Variants in ADHFE1 observed in about 807,000 individuals in gnomAD.
ADHFE1 encodes alcohol dehydrogenase iron containing 1.
In ADHFE1, 37 loss-of-function variants were observed where a neutral mutation model predicts 54.8. The ratio of observed to expected loss-of-function variants is 0.68; its 90% CI spans 0.52 to 0.89. The LOEUF is 0.89. Among genes scored for constraint, ADHFE1 ranks in the 40% least tolerant of loss-of-function variants. The pLI, the probability that ADHFE1 is intolerant of heterozygous loss-of-function variation, is 0.00. For missense variants in ADHFE1, 601 were observed against 591.2 expected, an observed-to-expected ratio of 1.02 and a Z score of -0.17; for synonymous variants, 203 against 229.3, an observed-to-expected ratio of 0.89 and a Z score of 1.04.
chr8:66,465,541 A>AGTC (rs1418409149), intron 13 of ADHFE1, among the ~76,000 whole-genome samples: 1 of 152,190 alleles, frequency 6.6e-6, no homozygotes, highest in Non-Finnish European at 1.5e-5. Flanking sequence ...TAACTAATCA[A>AGTC]GTCCTATGCC....
At chr8:66,451,897 G>C (rs1806320942) in intron 8 of ADHFE1, 56 bp from the exon 9 acceptor site, 2 of 1,587,442 alleles carry the variant, frequency 1.3e-6, no homozygotes, top group South Asian at 2.3e-5. Flanking sequence ...GATCTAAATG[G>C]AGGGAAGGAG....
Position 66,445,286 on chromosome 8 carries a change from C to G in ADHFE1, c.422C>G (p.Ser141Cys), listed in dbSNP as rs1346798777. ...FDAYVAVGGG[S>C]TMDTCKAANL... ...GCCTATGTTGCTGTCGGTGGTGGCTCTACCATGGACACCTGTAAGGCTGCT... is the reference window on the plus strand; with the variant it reads ...GCCTATGTTGCTGTCGGTGGTGGCTGTACCATGGACACCTGTAAGGCTGCT... Residue 141 changes from serine (S) to cysteine (C), a missense_variant, in exon 6 of 14, where the codon TCT becomes TGT. By Grantham distance (112) the Ser-to-Cys change is moderately radical. Transcript: ENST00000396623. The G allele has an allele frequency of 5.0e-6, 8 of 1,613,630 alleles. No homozygotes were observed. The highest frequency in any genetic ancestry group is 2.2e-5 in the South Asian group (2 of 91,024).
chr8:66,436,894 G>C (rs1805492471), intron 1 of ADHFE1, among the ~76,000 whole-genome samples: 1 of 152,190 alleles, frequency 6.6e-6, no homozygotes, highest in African/African-American at 2.4e-5. Flanking sequence ...TGGAAGCCAG[G>C]GAAGAACATG....
chr8:66,467,631 G>A (rs1586501471), intron 13 of ADHFE1, among the ~76,000 whole-genome samples: 1 of 152,214 alleles, frequency 6.6e-6, no homozygotes, highest in East Asian at 1.9e-4. Context: ...GGTGCCAGGG[G>A]AGTCATCGCT....
chr8:66,465,259 G>A (rs1307538727), intron 13 of ADHFE1, among the ~76,000 whole-genome samples: 2 of 152,068 alleles, frequency 1.3e-5, no homozygotes, highest in Non-Finnish European at 2.9e-5. Context: ...GTATCATATA[G>A]TAACTCTATG....
intron 13 of ADHFE1, among the ~76,000 whole-genome samples, chr8:66,466,558 A>G (rs62511224): frequency 0.56 from 85,572 of 151,640 alleles, 25,172 homozygotes; most frequent in African/African-American, 0.72. Flanking sequence ...GACAAAACAA[A>G]TACCTACTGT....
Position 66,444,786 on chromosome 8 carries a change from G to T in ADHFE1, c.353+38G>T, listed in dbSNP as rs1213812750. The T allele has an allele frequency of 3.1e-6, 5 of 1,610,506 alleles. No individual in the cohort carries two copies. In the African/African-American group the frequency reaches 6.7e-5, roughly 22 times the overall value. On this transcript the variant is annotated intron_variant, in intron 5 of 13. Transcript: ENST00000396623. Reference sequence around the variant, plus strand: ...TGTTGTTATTGTTTCTTTACTTTAAGCAGAAGCTAACTGTTGATTAAAACT... The same window carrying T: ...TGTTGTTATTGTTTCTTTACTTTAATCAGAAGCTAACTGTTGATTAAAACT...
At chr8:66,453,812 G>A (rs528737054) in intron 9 of ADHFE1, 26 of 1,458,292 alleles carry the variant, frequency 1.8e-5, no homozygotes, top group East Asian at 3.2e-5. Flanking sequence ...CTCCCCCGGC[G>A]CTTTTACATC....
chr8:66,449,191 C>G (rs1322014870), intron 8 of ADHFE1, among the ~76,000 whole-genome samples: 1 of 152,136 alleles, frequency 6.6e-6, no homozygotes, highest in African/African-American at 2.4e-5. Flanking sequence ...AGGATGGATC[C>G]CCCCCAGCCA....
chr8:66,464,370 C>T (rs957325652), intron 13 of ADHFE1, among the ~76,000 whole-genome samples: 2 of 152,216 alleles, frequency 1.3e-5, no homozygotes, highest in African/African-American at 4.8e-5. Flanking sequence ...TTCTAAGAGT[C>T]CTGCACCGCT....
At chr8:66,442,558 G>T (rs1295877249) in intron 2 of ADHFE1, among the ~76,000 whole-genome samples, 1 of 151,994 alleles carries the variant, frequency 6.6e-6, no homozygotes, top group South Asian at 2.1e-4. Flanking sequence ...TGATCCACCC[G>T]CCTCAGCCTC....
At chr8:66,451,443 A>T (rs1429478624) in intron 8 of ADHFE1, among the ~76,000 whole-genome samples, 1 of 152,216 alleles carries the variant, frequency 6.6e-6, no homozygotes, top group Non-Finnish European at 1.5e-5. Flanking sequence ...CCAGGTCCGC[A>T]GCAGGAATAT....
In ADHFE1 at chr8:66,457,104, C is replaced by A; in HGVS notation, c.1100C>A (p.Ala367Glu). The A allele has an allele frequency of 6.2e-7, 1 of 1,613,920 alleles. No individual in the cohort carries two copies. The highest frequency in any genetic ancestry group is 1.3e-5 in the African/African-American group (1 of 75,024). ...HGLSVVLTSPAVFTFTAQMFP... is the reference protein window; with the variant it reads ...HGLSVVLTSPEVFTFTAQMFP... The stretch of plus-strand genomic sequence containing the variant: ...CTTTCTGTGGTGCTCACGTCCCCAG[C>A]GGTGTTCACTTTCACGGCCCAGATG... The change falls in exon 12 of 14, where the codon GCG becomes GAG. Residue 367 changes from alanine to glutamate, a missense_variant. Ala to Glu is a moderately radical substitution (Grantham distance 107). Transcript: ENST00000396623.
rs569814186 is a variant in ADHFE1, at chr8:66,433,081, G to A, written c.59+506G>A. Among the ~76,000 whole-genome samples, 5 of 152,292 alleles carry A rather than the reference G, an allele frequency of 3.3e-5. No individual in the cohort carries two copies. In the East Asian group the frequency reaches 9.7e-4, roughly 29 times the overall value. On this transcript the variant is annotated intron_variant, in intron 1 of 13. Transcript: ENST00000396623. Reference sequence around the variant, plus strand: ...AAGGATGGATGTGAGAAGTCGCAGAGTCACACTTCCTGGCATGTACAGGGA... The same window carrying A: ...AAGGATGGATGTGAGAAGTCGCAGAATCACACTTCCTGGCATGTACAGGGA...
chr8:66,454,258 AGAAG>A, intron 10 of ADHFE1, 101 bp downstream of exon 10: 4 of 1,159,330 alleles, frequency 3.5e-6, no homozygotes, highest in Non-Finnish European at 4.9e-6. Context: ...AATATGCTAT[AGAAG>A]GAAGAAATTT....
intron 1 of ADHFE1, among the ~76,000 whole-genome samples, chr8:66,434,567 G>C (rs1805366539): frequency 6.6e-6 from 1 of 152,190 alleles, no homozygotes; most frequent in Non-Finnish European, 1.5e-5. Context: ...TGAAAATCTT[G>C]GAAAATTGGA....
At chr8:66,466,899 G>A (rs1312311794) in intron 13 of ADHFE1, among the ~76,000 whole-genome samples, 2 of 152,202 alleles carry the variant, frequency 1.3e-5, no homozygotes, top group East Asian at 3.8e-4. Context: ...ACTAAGTGAG[G>A]TGTTAGAGCT....
chr8:66,442,916 GA>G, intron 3 of ADHFE1, 72 bp downstream of exon 3: 3 of 1,225,440 alleles, frequency 2.4e-6, no homozygotes, highest in Non-Finnish European at 3.4e-6. Context: ...TTTTGCTAAT[GA>G]ATTATTATTT....
rs573161634 is a variant in ADHFE1 at position 66,460,911 on chromosome 8, A to G, written c.1320+446A>G. On this transcript the variant is annotated intron_variant, in intron 13 of 13. Coordinates refer to ENST00000396623, the MANE Select transcript of ADHFE1 (RefSeq NM_144650.3). The stretch of plus-strand genomic sequence containing the variant: ...TGTGAAGAATAGGCATAGCCTTTCA[A>G]TTAACACTATCACCAAATTGCTTTC... Among the ~76,000 whole-genome samples, 3 of 152,374 alleles carry G rather than the reference A, an allele frequency of 2.0e-5. No homozygotes were observed. The East Asian group carries it at 5.8e-4, about 29-fold the overall frequency.
Sources: gnomAD v4.1 joint callset for allele counts (sites outside exome capture counted in the v4.1 genomes callset) on GRCh38, gnomAD v4.1.1 for gene constraint, MANE v1.5 for transcripts, NCBI Gene and HGNC (gene_info 2026-07-23, HGNC 2026-07-21) for gene names.